Variants in APBA2 observed in about 807,000 individuals in gnomAD.
APBA2 encodes amyloid-beta A4 precursor protein-binding family A member 2.
In APBA2, 30 loss-of-function variants were observed where a neutral mutation model predicts 75.0. The observed-to-expected ratio is 0.40, with a 90% CI of 0.30 to 0.54. APBA2 has a LOEUF of 0.54. Among genes scored for constraint, APBA2 ranks in the 20% least tolerant of loss-of-function variants. APBA2 has a pLI of 0.49. For missense variants in APBA2, 801 were observed against 1,016.1 expected, an observed-to-expected ratio of 0.79 and a Z score of 2.88; for synonymous variants, 444 against 409.6, an observed-to-expected ratio of 1.08 and a Z score of -1.01.
chr15:29,030,729 A>ATGTGTG (rs60048817), intron 3 of APBA2, among the ~76,000 whole-genome samples: 2,551 of 113,272 alleles, frequency 0.023, 42 homozygotes, highest in African/African-American at 0.051. Context: ...CCATGTGAGT[A>ATGTGTG]TGTGTGTGTG....
intron 4 of APBA2, among the ~76,000 whole-genome samples, chr15:29,055,629 C>T (rs1159494532): frequency 6.7e-6 from 1 of 149,922 alleles, no homozygotes; most frequent in Non-Finnish European, 1.5e-5. Context: ...ACAGCCTTAA[C>T]TGTTAAATAT....
chr15:29,044,181 A>G (rs2041190234), intron 3 of APBA2: 1 of 152,150 alleles, frequency 6.6e-6, no homozygotes, highest in Non-Finnish European at 1.5e-5. Flanking sequence ...CTGGTCTGCT[A>G]TATTACTAGC....
intron 2 of APBA2, among the ~76,000 whole-genome samples, chr15:28,986,419 C>T (rs930341638): frequency 1.3e-5 from 2 of 152,166 alleles, no homozygotes; most frequent in South Asian, 2.1e-4. Context: ...CAGCCTGTTC[C>T]GTAAGAAGGA....
At chr15:28,927,910 G>A (rs990118769) in intron 2 of APBA2, among the ~76,000 whole-genome samples, 2 of 151,358 alleles carry the variant, frequency 1.3e-5, no homozygotes, top group South Asian at 2.1e-4. Flanking sequence ...TTGGGAGGCC[G>A]AGGCGGGCGG....
chr15:29,001,120 C>T (rs942881825), intron 3 of APBA2, among the ~76,000 whole-genome samples: 3 of 152,188 alleles, frequency 2.0e-5, no homozygotes, highest in African/African-American at 4.8e-5. Flanking sequence ...CTGCTTGTCC[C>T]ATATCCTCCA....
At chr15:28,992,377 AG>A (rs2038281831) in intron 2 of APBA2, among the ~76,000 whole-genome samples, 1 of 152,230 alleles carries the variant, frequency 6.6e-6, no homozygotes, top group South Asian at 2.1e-4. Flanking sequence ...CTCATTCCAG[AG>A]TCCCTGGAAG....
intron 8 of APBA2, among the ~76,000 whole-genome samples, chr15:29,095,307 T>C (rs935090980): frequency 2.0e-5 from 3 of 151,662 alleles, no homozygotes; most frequent in East Asian, 3.9e-4. Context: ...TACATGCCTG[T>C]AATTCCAGAT....
intron 4 of APBA2, among the ~76,000 whole-genome samples, chr15:29,064,876 C>T (rs1470782188): frequency 2.6e-5 from 4 of 152,076 alleles, no homozygotes; most frequent in Non-Finnish European, 5.9e-5. Flanking sequence ...CACCTGTTGG[C>T]GGGGTCCCCT....
chr15:29,108,636 G>A (rs56136235), intron 13 of APBA2: 12,843 of 605,774 alleles, frequency 0.021, 893 homozygotes, highest in African/African-American at 0.17. Flanking sequence ...AGGCTCCCTT[G>A]TCCCCATGGT....
intron 3 of APBA2, among the ~76,000 whole-genome samples, chr15:29,048,590 G>A (rs1469203432): frequency 2.0e-5 from 3 of 152,226 alleles, no homozygotes; most frequent in Non-Finnish European, 4.4e-5. Context: ...TGGGCAGATA[G>A]AAATGATGTA....
intron 6 of APBA2, among the ~76,000 whole-genome samples, chr15:29,082,192 C>T (rs2043112353): frequency 6.6e-6 from 1 of 152,158 alleles, no homozygotes; most frequent in Admixed American, 6.5e-5. Context: ...CAGTTTGTTT[C>T]CTGTGCTCAT....
At chr15:29,063,491 G>A (rs1595873347) in intron 4 of APBA2, among the ~76,000 whole-genome samples, 1 of 134,214 alleles carries the variant, frequency 7.5e-6, no homozygotes, top group Admixed American at 7.4e-5. Flanking sequence ...GTCAGTGTCT[G>A]TATGGGTTGG....
intron 2 of APBA2, among the ~76,000 whole-genome samples, chr15:28,939,778 G>A (rs1266051897): frequency 2.0e-5 from 3 of 152,176 alleles, no homozygotes; most frequent in Admixed American, 6.5e-5. Context: ...GCCCCTGTGG[G>A]TGCAGCAGGG....
chr15:29,107,560 T>C (rs767257314), intron 12 of APBA2, among the ~76,000 whole-genome samples: 2 of 152,116 alleles, frequency 1.3e-5, no homozygotes, highest in African/African-American at 4.8e-5. Context: ...GGCCAGAGCA[T>C]CCCATAGACT....
At chr15:28,967,691 G>C (rs1405639205) in intron 2 of APBA2, among the ~76,000 whole-genome samples, 1 of 152,144 alleles carries the variant, frequency 6.6e-6, no homozygotes, top group Non-Finnish European at 1.5e-5. Context: ...ACCCGCCTCG[G>C]CCTCCCAAAG....
intron 3 of APBA2, among the ~76,000 whole-genome samples, chr15:29,026,636 G>C (rs560797924): frequency 1.3e-5 from 2 of 152,260 alleles, no homozygotes; most frequent in Non-Finnish European, 2.9e-5. Context: ...AGAACAGGCC[G>C]GGCATGGTGG....
chr15:28,888,845 C>T (rs562962324), intron 1 of APBA2, among the ~76,000 whole-genome samples: 2 of 152,254 alleles, frequency 1.3e-5, no homozygotes, highest in African/African-American at 4.8e-5. Flanking sequence ...GGACTGGGAA[C>T]GTGGAGGCAC....
At chr15:29,038,471 A>G (rs2040856629) in intron 3 of APBA2, among the ~76,000 whole-genome samples, 1 of 152,144 alleles carries the variant, frequency 6.6e-6, no homozygotes, top group Non-Finnish European at 1.5e-5. Context: ...CTGTCTCCAC[A>G]GTGCTGAACC....
intron 1 of APBA2, among the ~76,000 whole-genome samples, chr15:28,897,669 TGA>T (rs2152623562): frequency 6.7e-6 from 1 of 148,726 alleles, no homozygotes; most frequent in African/African-American, 2.5e-5. Context: ...CAGGTGTCGG[TGA>T]GGATGTGGAA....
Sources: gnomAD v4.1 joint callset for allele counts (sites outside exome capture counted in the v4.1 genomes callset) on GRCh38, gnomAD v4.1.1 for gene constraint, MANE v1.5 for transcripts, NCBI Gene and HGNC (gene_info 2026-07-23, HGNC 2026-07-21) for gene names.